The following PLOD3 variants were observed in gnomAD, a reference collection of about 807,000 sequenced individuals.
PLOD3 encodes the protein multifunctional procollagen lysine hydroxylase and glycosyltransferase LH3.
PLOD3 carries 73 observed loss-of-function variants against 96.9 expected under a neutral mutation model. The observed-to-expected ratio is 0.75, with a 90% CI of 0.62 to 0.92. The LOEUF (loss-of-function observed/expected upper bound fraction) is 0.92, where lower values mean the gene tolerates loss of function less well. Among genes scored for constraint, PLOD3 ranks in the 40% least tolerant of loss-of-function variants. The probability of loss-of-function intolerance (pLI) is 0.00; values close to 1 mark genes in which losing one functional copy is unlikely to be tolerated. For missense variants in PLOD3, 1,004 were observed against 1,004.3 expected, an observed-to-expected ratio of 1.00 and a Z score of 0.00; for synonymous variants, 454 against 413.7, an observed-to-expected ratio of 1.10 and a Z score of -1.18.
chr7:101,213,063 G>C (rs764023106), intron 7 of PLOD3, 44 bp downstream of exon 7: 1 of 1,448,944 alleles, frequency 6.9e-7, no homozygotes, highest in Non-Finnish European at 9.7e-7. Context: ...AGGTGCCTGG[G>C]GGTTGGGGCA....
chr7:101,213,480 C>T (rs1798220401), intron 6 of PLOD3: 1 of 509,044 alleles, frequency 2.0e-6, no homozygotes, highest in Non-Finnish European at 3.5e-6. Context: ...AGCATCCCTA[C>T]CCCTCCTCAT....
chr7:101,216,957 A>G, intron 1 of PLOD3, 171 bp from the exon 2 acceptor site: 3 of 741,446 alleles, frequency 4.0e-6, no homozygotes, highest in South Asian at 3.3e-5. Flanking sequence ...AGTGGTGCCC[A>G]GGAATTCCGA....
chr7:101,210,925 G>A, intron 12 of PLOD3: 2 of 490,148 alleles, frequency 4.1e-6, no homozygotes, highest in Middle Eastern at 5.9e-4. Context: ...CTGTCACCCA[G>A]GCTGGAATGC....
chr7:101,214,415 G>C (rs553162204), intron 6 of PLOD3, among the ~76,000 whole-genome samples: 10 of 152,212 alleles, frequency 6.6e-5, no homozygotes, highest in African/African-American at 2.2e-4. Context: ...ACAGGCGTGA[G>C]GCACCGTGCC....
At chr7:101,215,456 A>T (rs1271311153) in intron 5 of PLOD3, among the ~76,000 whole-genome samples, 2 of 151,788 alleles carry the variant, frequency 1.3e-5, no homozygotes, top group Admixed American at 1.3e-4. Context: ...CAGGTGATCC[A>T]CCCGCCTCAG....
intron 10 of PLOD3, 74 bp downstream of exon 10, chr7:101,212,179 C>A (rs2116803791): frequency 6.3e-7 from 1 of 1,578,324 alleles, no homozygotes; most frequent in East Asian, 2.2e-5. Flanking sequence ...GAGGCAAGGG[C>A]CAGGCAGCAG....
chr7:101,208,315 G>A (rs1330246534), intron 16 of PLOD3, among the ~76,000 whole-genome samples: 2 of 151,540 alleles, frequency 1.3e-5, no homozygotes, highest in African/African-American at 4.9e-5. Flanking sequence ...GTTCAATCTT[G>A]GCTCACTGCA....
chr7:101,216,025 C>T lies in PLOD3; in HGVS notation c.503-5G>A, dbSNP rs774621094. ...TGGTGGCAAAACCGATGAATCCTGGCGGGGAGGGGGAGTGTTGACCTCGAG... is the reference window on the plus strand; with the variant it reads ...TGGTGGCAAAACCGATGAATCCTGGTGGGGAGGGGGAGTGTTGACCTCGAG... On this transcript the variant is annotated splice_polypyrimidine_tract_variant and splice_region_variant and intron_variant, in intron 4 of 18. Transcript: ENST00000223127. The T allele has an allele frequency of 1.1e-5, 18 of 1,612,956 alleles. No homozygotes were observed. Among genetic ancestry groups the T allele is most frequent in the Admixed American group, 1.7e-5 (1 of 59,976 alleles).
At chr7:101,207,866 G>A (rs1312369049) in intron 16 of PLOD3, 142 bp from the exon 17 acceptor site, 2 of 900,844 alleles carry the variant, frequency 2.2e-6, no homozygotes, top group Admixed American at 2.3e-5. Flanking sequence ...CTACTTCTCG[G>A]CCTGACTCAC....
chr7:101,216,304 T>A lies in PLOD3; in HGVS notation c.361A>T (p.Ser121Cys). 1 of 1,613,408 alleles carries A rather than the reference T, an allele frequency of 6.2e-7. No homozygotes were observed. The highest frequency in any genetic ancestry group is 8.5e-7 in the Non-Finnish European group (1 of 1,180,030). ...AACTTCTTCAGCAGCTCTGTGGGGCTGCCGGCCAGAATCACGTCGTAGCTG... is the reference window on the plus strand; with the variant it reads ...AACTTCTTCAGCAGCTCTGTGGGGCAGCCGGCCAGAATCACGTCGTAGCTG... ...VDSYDVILAG[S>C]PTELLKKFVQ... The change falls in exon 4 of 19, where the codon AGC becomes TGC. Residue 121 changes from serine (S) to cysteine (C), a missense_variant. Around this residue, in one of 5 missense-constraint regions of PLOD3, gnomAD observed 690 missense variants for 650.2 expected, o/e 1.06. Coordinates refer to ENST00000223127, the MANE Select transcript of PLOD3 (RefSeq NM_001084.5).
At position 101,217,373 on chromosome 7, in the gene PLOD3, G is replaced by A; in HGVS notation, c.-99C>T. 1.6e-6 allele frequency: 2 copies of A among 1,226,532 alleles called. No individual in the cohort carries two copies. The highest frequency in any genetic ancestry group is 1.6e-5 in the African/African-American group (1 of 63,142). 76.0% of individuals were successfully genotyped at this position (1,226,532 alleles called of 1,614,324 possible). A position where few individuals can be genotyped will look rare whatever the true frequency, so the allele number is the denominator to read the frequency against. On this transcript the variant is annotated 5_prime_UTR_variant, in exon 1 of 19. Coordinates refer to ENST00000223127, the MANE Select transcript of PLOD3 (RefSeq NM_001084.5). Reference sequence around the variant, plus strand: ...GGAGCTCTGGAAAGGGGGCGCTCGGGCTGCTGTGCGGCCGCCGCGGGGAGC... The same window carrying A: ...GGAGCTCTGGAAAGGGGGCGCTCGGACTGCTGTGCGGCCGCCGCGGGGAGC...
At chr7:101,206,488 G>T in intron 18 of PLOD3, 52 bp from the exon 19 acceptor site, 2 of 1,521,842 alleles carry the variant, frequency 1.3e-6, no homozygotes. Flanking sequence ...GGGGCCTGGG[G>T]AGCAGGCAGA....
intron 6 of PLOD3, among the ~76,000 whole-genome samples, chr7:101,214,730 G>A (rs920849649): frequency 6.6e-6 from 1 of 152,068 alleles, no homozygotes; most frequent in Non-Finnish European, 1.5e-5. Flanking sequence ...CCAGCTACTC[G>A]GGAGGCTGAG....
Position 101,212,059 on chromosome 7 carries a change from T to C in PLOD3, c.1128-109A>G. On this transcript the variant is annotated intron_variant, in intron 10 of 18. Transcript: ENST00000223127. ...GGAGGGAGGCAGTGTCTATCCTTCC[T>C]TCCCCAGGCTCTCTGCTGTCTGGGT... 9.7e-6 allele frequency: 10 copies of C among 1,026,154 alleles called. No individual in the cohort carries two copies. The South Asian group carries it at 1.2e-4, about 13-fold the overall frequency. 63.6% of individuals were successfully genotyped at this position (1,026,154 alleles called of 1,614,324 possible). A position where few individuals can be genotyped will look rare whatever the true frequency, so the allele number is the denominator to read the frequency against.
Position 101,216,682 on chromosome 7 carries a change from T to G in PLOD3, c.201+13A>C, listed in dbSNP as rs1404711550. 2 of 1,612,310 alleles carry G rather than the reference T, an allele frequency of 1.2e-6. No individual in the cohort carries two copies. The highest frequency in any genetic ancestry group is 1.1e-5 in the South Asian group (1 of 91,036). On this transcript the variant is annotated intron_variant, in intron 2 of 18. Transcript: ENST00000223127. ...GCTGGGACCCCCTCCCAGGGGCCTT[T>G]CCCTCTCCTCACCCGCACAGTGTAG...
Position 101,206,761 on chromosome 7 carries a change from A to G in PLOD3, c.2061+18T>C, listed in dbSNP as rs1798091232. 1 of 1,577,456 alleles carries G rather than the reference A, an allele frequency of 6.3e-7. No individual in the cohort carries two copies. The highest frequency in any genetic ancestry group is 8.6e-7 in the Non-Finnish European group (1 of 1,161,206). On this transcript the variant is annotated intron_variant, in intron 18 of 18. Transcript: ENST00000223127. ...GTCCTGAGGTGAAGCGTGGGTGGGT[A>G]GTGTGACTGGGGCGCACCTCATAGT...
At chr7:101,211,554 C>A (rs375666732) in intron 12 of PLOD3, 37 bp downstream of exon 12, 2 of 1,584,100 alleles carry the variant, frequency 1.3e-6, no homozygotes, top group Non-Finnish European at 1.7e-6. Context: ...GGCCCCGGGT[C>A]GGAGGAGGCG....
Position 101,216,295 on chromosome 7 carries a change from C to CT in PLOD3, c.369dup (p.Glu124ArgfsTer33), listed in dbSNP as rs1798271092. 7.4e-6 allele frequency: 12 copies of CT among 1,613,472 alleles called. No individual in the cohort carries two copies. The highest frequency in any genetic ancestry group is 1.0e-5 in the Non-Finnish European group (12 of 1,180,022). On this transcript the variant is annotated frameshift_variant, in exon 4 of 19. Coordinates refer to ENST00000223127, the MANE Select transcript of PLOD3 (RefSeq NM_001084.5). LOFTEE classifies it high-confidence loss of function. ...CTCTGGACGAACTTCTTCAGCAGCT[C>CT]TGTGGGGCTGCCGGCCAGAATCACG...
rs1474224902 is a variant in PLOD3, at chr7:101,211,611, C to T, written c.1338G>A (p.Glu446=). The change falls in exon 12 of 19, where the codon GAG becomes GAA. Residue 446 remains glutamate (E), a synonymous_variant. Transcript: ENST00000223127. The part of the protein sequence containing the change: ...EYYARSEDYV[E]LVQRKRVGVW... ...CTCACACTCGCTTCCGCTGCACCAG[C>T]TCCACGTAGTCCTCGGAGCGGGCGT... The T allele has an allele frequency of 5.0e-6, 8 of 1,604,222 alleles. No homozygotes were observed. Among genetic ancestry groups the T allele is most frequent in the Non-Finnish European group, 6.8e-6 (8 of 1,176,380 alleles).
Sources: gnomAD v4.1 joint callset for allele counts (sites outside exome capture counted in the v4.1 genomes callset) on GRCh38, gnomAD v4.1.1 for gene constraint, gnomAD v4.1.1 regional missense constraint, MANE v1.5 for transcripts, NCBI Gene and HGNC (gene_info 2026-07-23, HGNC 2026-07-21) for gene names.